NAV2: variants seen among roughly 807,000 people sequenced by gnomAD.
The protein encoded by NAV2 is helicase, APC down-regulated 1.
NAV2 carries 54 observed loss-of-function variants against 223.2 expected under a neutral mutation model. The observed-to-expected ratio is 0.24, with a 90% confidence interval of 0.19 to 0.30. NAV2 has a LOEUF of 0.30. Among genes scored for constraint, NAV2 ranks in the 10% least tolerant of loss-of-function variants. The pLI, the probability that NAV2 is intolerant of heterozygous loss-of-function variation, is 1.00. For missense variants in NAV2, 2,806 were observed against 3,147.5 expected (o/e 0.89, Z 2.60); for synonymous variants, 1,279 against 1,239.3 (o/e 1.03, Z -0.67).
chr11:19,791,401 G>A lies in NAV2; in HGVS notation c.268-41083G>A, dbSNP rs565445936. Among the ~76,000 whole-genome samples, 10 of 152,210 alleles carry A rather than the reference G, an allele frequency of 6.6e-5. No individual in the cohort carries two copies. In the South Asian group the frequency reaches 1.0e-3, roughly 16 times the overall value. On this transcript the variant is annotated intron_variant, in intron 1 of 37. Coordinates refer to ENST00000349880, the MANE Select transcript of NAV2 (RefSeq NM_145117.5). ...TGGGGCCTCTGAACACGTCAAGCCC[G>A]CCAAGTTCCTTTCCTTTCCTGGCCC...
chr11:19,395,115 A>G (rs1849396944), intron 1 of NAV2, among the ~76,000 whole-genome samples: 3 of 152,186 alleles, frequency 2.0e-5, no homozygotes, highest in Non-Finnish European at 2.9e-5. Flanking sequence ...TTTGGGACCA[A>G]TGAGGAAGAG....
chr11:19,789,402 G>T (rs759646032), intron 1 of NAV2, among the ~76,000 whole-genome samples: 14 of 152,118 alleles, frequency 9.2e-5, no homozygotes, highest in Non-Finnish European at 1.5e-4. Context: ...GGGAGAGAAG[G>T]TTTGATTCTC....
Position 19,991,382 on chromosome 11 carries a change from C to T in NAV2, c.2768+7135C>T, listed in dbSNP as rs141997355. Among the ~76,000 whole-genome samples, 476 of 152,234 alleles carry T rather than the reference C, an allele frequency of 3.1e-3. 2 individuals are homozygous for T. Among genetic ancestry groups the T allele is most frequent in the African/African-American group, 0.011 (445 of 41,548 alleles). On this transcript the variant is annotated intron_variant, in intron 11 of 37. Coordinates refer to ENST00000349880, the MANE Select transcript of NAV2 (RefSeq NM_145117.5). ...TCAAGTGATCTGCCTGCCTCAGCCT[C>T]CCAAAGTGCTGGTATTACAGGTGTG...
chr11:19,561,737 C>T, intron 1 of NAV2, among the ~76,000 whole-genome samples: 1 of 152,168 alleles, frequency 6.6e-6, no homozygotes, highest in East Asian at 1.9e-4. Flanking sequence ...CATTGAATTC[C>T]TTGAATGGGA....
At chr11:19,562,665 C>A (rs2045141810) in intron 1 of NAV2, among the ~76,000 whole-genome samples, 3 of 151,806 alleles carry the variant, frequency 2.0e-5, no homozygotes, top group Admixed American at 2.0e-4. Context: ...GGACCATGTA[C>A]CACAAAGCCT....
intron 1 of NAV2, among the ~76,000 whole-genome samples, chr11:19,401,322 C>T (rs534965105): frequency 2.6e-5 from 4 of 152,188 alleles, no homozygotes; most frequent in South Asian, 2.1e-4. Flanking sequence ...CCACTGACTG[C>T]GCCAGCAGCC....
intron 1 of NAV2, among the ~76,000 whole-genome samples, chr11:19,499,229 T>C (rs1183748318): frequency 6.6e-6 from 1 of 152,222 alleles, no homozygotes; most frequent in Non-Finnish European, 1.5e-5. Context: ...TGGAACCTCT[T>C]TGAAGGTACT....
At chr11:19,793,727 A>G (rs1281556425) in intron 1 of NAV2, among the ~76,000 whole-genome samples, 3 of 152,200 alleles carry the variant, frequency 2.0e-5, no homozygotes, top group Non-Finnish European at 4.4e-5. Context: ...GAAACAGAAT[A>G]AAATCCGATT....
chr11:19,960,491 C>T lies in NAV2; in HGVS notation c.2645+11411C>T, dbSNP rs1237643143. 2.0e-5 allele frequency among the ~76,000 whole-genome samples: 3 copies of T among 152,064 alleles called. No homozygotes were observed. The East Asian group carries it at 5.8e-4, about 29-fold the overall frequency. On this transcript the variant is annotated intron_variant, in intron 10 of 37. Transcript: ENST00000349880. ...TGGCCTACCATTTTATTGTCACTTT[C>T]CCTTTGTATCCTGGGATTCCAGTGT...
intron 1 of NAV2, among the ~76,000 whole-genome samples, chr11:19,679,431 A>AAAAAAAAAAAAAAG (rs2048817156): frequency 4.0e-5 from 2 of 50,164 alleles, no homozygotes; most frequent in Non-Finnish European, 1.7e-4. Flanking sequence ...ACTCTGTCTC[A>AAAAAAAAAAAAAAG]AAAAAACACA....
At chr11:19,523,240 C>T (rs1013175057) in intron 1 of NAV2, among the ~76,000 whole-genome samples, 3 of 152,218 alleles carry the variant, frequency 2.0e-5, no homozygotes, top group Non-Finnish European at 4.4e-5. Context: ...CGCCTCCTGC[C>T]CGGTCCTCCT....
intron 1 of NAV2, among the ~76,000 whole-genome samples, chr11:19,789,809 C>T (rs1394654071): frequency 2.0e-5 from 3 of 152,140 alleles, no homozygotes; most frequent in African/African-American, 4.8e-5. Context: ...CTTCCTCCCC[C>T]TTTCTGGACC....
upstream of NAV2, among the ~76,000 whole-genome samples, chr11:19,345,728 G>T (rs761601958): frequency 6.6e-6 from 1 of 152,252 alleles, no homozygotes; most frequent in African/African-American, 2.4e-5. The surrounding 1 kb of genome is among the most constrained non-coding windows in gnomAD (Gnocchi z 5.2). Context: ...GCTCGGGGGC[G>T]CACTTTCCCG....
At position 19,933,949 on chromosome 11, in the gene NAV2, A is replaced by G. The variant is rs759640460; in HGVS notation, c.1705A>G (p.Met569Val). ...CCACAGTGGAATACCAAAACCAGGA[A>G]TGAAAAGCATGCCCGGGAAATCCCC... ...PSHSGIPKPGMKSMPGKSPSA... is the reference protein window; with the variant it reads ...PSHSGIPKPGVKSMPGKSPSA... The change falls in exon 7 of 38, where the codon ATG becomes GTG. Residue 569 changes from methionine to valine, a missense_variant. Around this residue, in one of 4 missense-constraint regions of NAV2, gnomAD observed 1,167 missense variants for 1,180.5 expected, o/e 0.99. Coordinates refer to ENST00000349880, the MANE Select transcript of NAV2 (RefSeq NM_145117.5). This position sits in a 1 kb window ranked among gnomAD's most constrained non-coding sequence, Gnocchi z 4.3. 2.5e-6 allele frequency: 4 copies of G among 1,597,238 alleles called. No homozygotes were observed. Among genetic ancestry groups the G allele is most frequent in the Non-Finnish European group, 3.4e-6 (4 of 1,173,520 alleles).
intron 8 of NAV2, among the ~76,000 whole-genome samples, chr11:19,944,420 T>C (rs1439151375): frequency 6.6e-6 from 1 of 152,110 alleles, no homozygotes; most frequent in African/African-American, 2.4e-5. Flanking sequence ...CCTTTTCTTT[T>C]CTTCTCTTTT....
intron 1 of NAV2, among the ~76,000 whole-genome samples, chr11:19,593,799 T>C (rs1472649410): frequency 6.6e-6 from 1 of 152,156 alleles, no homozygotes; most frequent in Non-Finnish European, 1.5e-5. Flanking sequence ...GCTGGTGATG[T>C]TGAACATTTT....
At chr11:20,102,329 G>A (rs1287905408) in intron 32 of NAV2, among the ~76,000 whole-genome samples, 16 of 152,166 alleles carry the variant, frequency 1.1e-4, no homozygotes, top group Admixed American at 1.0e-3. Flanking sequence ...AGATGGAGAA[G>A]ATGTTACCCC....
At chr11:19,972,867 G>A (rs1349028957) in intron 10 of NAV2, among the ~76,000 whole-genome samples, 3 of 152,138 alleles carry the variant, frequency 2.0e-5, no homozygotes, top group Non-Finnish European at 2.9e-5. Flanking sequence ...CTACATAAAT[G>A]TTTGTTGCAC....
chr11:19,539,447 C>T (rs1030155324), intron 1 of NAV2, among the ~76,000 whole-genome samples: 3 of 152,140 alleles, frequency 2.0e-5, no homozygotes, highest in African/African-American at 4.8e-5. Flanking sequence ...TTTCTAATCA[C>T]ATTGTGAAAT....
Sources: gnomAD v4.1 joint callset for allele counts (sites outside exome capture counted in the v4.1 genomes callset) on GRCh38, gnomAD v4.1.1 for gene constraint, gnomAD v4.1.1 regional missense constraint, Gnocchi (gnomAD v3.1) non-coding constraint, MANE v1.5 for transcripts, NCBI Gene and HGNC (gene_info 2026-07-23, HGNC 2026-07-21) for gene names.